ATF7IP2: variants seen among roughly 807,000 people sequenced by gnomAD.
ATF7IP2 encodes the protein activating transcription factor 7 interacting protein 2.
In ATF7IP2, 42 loss-of-function variants were observed where a neutral mutation model predicts 64.2. The observed-to-expected ratio is 0.65, with a 90% confidence interval of 0.51 to 0.85. ATF7IP2 has a LOEUF of 0.85. Ranked by LOEUF, ATF7IP2 falls within the 40% of genes least tolerant of loss-of-function variation. The pLI, the probability that ATF7IP2 is intolerant of heterozygous loss-of-function variation, is 0.00. For missense variants in ATF7IP2, 933 were observed against 784.2 expected (o/e 1.19, Z -2.27); for synonymous variants, 308 against 272.8 (o/e 1.13, Z -1.27).
chr16:10,470,623 T>A (rs998126298), intron 9 of ATF7IP2, among the ~76,000 whole-genome samples: 5 of 151,546 alleles, frequency 3.3e-5, no homozygotes, highest in Admixed American at 6.6e-5. Flanking sequence ...TTTAAAAAAA[T>A]TTTTTTAAAA....
chr16:10,478,428 T>C (rs1373241766), intron 12 of ATF7IP2, among the ~76,000 whole-genome samples: 1 of 152,162 alleles, frequency 6.6e-6, no homozygotes, highest in East Asian at 1.9e-4. Flanking sequence ...TAATAAATGG[T>C]GCTGGGAAAA....
intron 8 of ATF7IP2, among the ~76,000 whole-genome samples, chr16:10,450,702 G>A (rs1023146232): frequency 5.9e-5 from 9 of 151,764 alleles, no homozygotes; most frequent in Admixed American, 4.6e-4. Context: ...TTGAGCCTGT[G>A]TGTGTCTTTG....
At chr16:10,468,721 T>C (rs887869436) in intron 9 of ATF7IP2, among the ~76,000 whole-genome samples, 1 of 152,230 alleles carries the variant, frequency 6.6e-6, no homozygotes, top group Admixed American at 6.5e-5. Flanking sequence ...CAGATCTGTA[T>C]GCAAAGGATG....
chr16:10,399,744 A>G (rs568812973), intron 1 of ATF7IP2, among the ~76,000 whole-genome samples: 4 of 152,316 alleles, frequency 2.6e-5, no homozygotes, highest in African/African-American at 9.6e-5. Flanking sequence ...GTATTTTGAT[A>G]GTGAATGCAT....
At chr16:10,409,082 T>C (rs2047700202) in intron 1 of ATF7IP2, among the ~76,000 whole-genome samples, 1 of 152,214 alleles carries the variant, frequency 6.6e-6, no homozygotes, top group Admixed American at 6.5e-5. Context: ...ATTCCTAATG[T>C]GGCCCCTACA....
chr16:10,476,211 C>T (rs1354059703), intron 12 of ATF7IP2, among the ~76,000 whole-genome samples: 1 of 152,118 alleles, frequency 6.6e-6, no homozygotes, highest in African/African-American at 2.4e-5. Flanking sequence ...TAATAAACTC[C>T]TTACTTCTAG....
intron 1 of ATF7IP2, among the ~76,000 whole-genome samples, chr16:10,400,620 G>A (rs1289578847): frequency 6.6e-6 from 1 of 152,198 alleles, no homozygotes; most frequent in Non-Finnish European, 1.5e-5. Context: ...GATTTTGGCT[G>A]TGGGTTTGTT....
intron 1 of ATF7IP2, among the ~76,000 whole-genome samples, chr16:10,393,713 G>A (rs1167329681): frequency 6.6e-6 from 1 of 152,028 alleles, no homozygotes; most frequent in African/African-American, 2.4e-5. Flanking sequence ...GGTTTTTTGG[G>A]ATGTAATACT....
intron 12 of ATF7IP2, among the ~76,000 whole-genome samples, chr16:10,475,692 C>CA (rs113253742): frequency 0.36 from 9,348 of 25,832 alleles, 1,380 homozygotes; most frequent in African/African-American, 0.56. Flanking sequence ...AACTCCGTCT[C>CA]AAAAAAAAAA....
At position 10,472,212 on chromosome 16, in the gene ATF7IP2, T is replaced by TATCA. The variant is rs1210403642; in HGVS notation, c.1426+31_1426+34dup. The TATCA allele has an allele frequency of 3.2e-6, 4 of 1,249,674 alleles. No individual in the cohort carries two copies. In the African/African-American group the frequency reaches 6.1e-5, roughly 19 times the overall value. 77.4% of individuals were successfully genotyped at this position (1,249,674 alleles called of 1,614,324 possible). On this transcript the variant is annotated intron_variant, in intron 10 of 13. Coordinates refer to ENST00000562102, the MANE Select transcript of ATF7IP2 (RefSeq NM_001393719.1). ...TCTTATAGCTGATTAGAATATGATC[T>TATCA]ATCAAGTTAGAAGGCCTTAAATCAA...
At chr16:10,465,262 A>C (rs1268909471) in intron 9 of ATF7IP2, among the ~76,000 whole-genome samples, 1 of 152,238 alleles carries the variant, frequency 6.6e-6, no homozygotes, top group Admixed American at 6.5e-5. Flanking sequence ...ATTTGGATCT[A>C]AACATTCTGT....
chr16:10,474,972 A>G (rs1480237194), intron 12 of ATF7IP2, among the ~76,000 whole-genome samples: 5 of 152,222 alleles, frequency 3.3e-5, no homozygotes, highest in Non-Finnish European at 5.9e-5. Context: ...GCTTGAGGCC[A>G]GCAGTTTGAG....
At chr16:10,473,610 G>C in intron 11 of ATF7IP2, 76 bp downstream of exon 11, 1 of 1,075,374 alleles carries the variant, frequency 9.3e-7, no homozygotes, top group Non-Finnish European at 1.4e-6. Flanking sequence ...TTTGCTACAT[G>C]TTGGATGATT....
intron 1 of ATF7IP2, among the ~76,000 whole-genome samples, chr16:10,414,035 T>C (rs933703167): frequency 4.6e-5 from 7 of 152,238 alleles, no homozygotes; most frequent in African/African-American, 1.4e-4. Flanking sequence ...ATCTTAACTT[T>C]AGATAATCTG....
intron 2 of ATF7IP2, among the ~76,000 whole-genome samples, chr16:10,416,198 C>G (rs1202418892): frequency 1.3e-5 from 2 of 152,142 alleles, no homozygotes; most frequent in East Asian, 3.8e-4. Flanking sequence ...TGGAAGCAAC[C>G]TAAGTGCTCA....
chr16:10,474,262 C>G (rs187870010), intron 12 of ATF7IP2, among the ~76,000 whole-genome samples: 9 of 152,298 alleles, frequency 5.9e-5, no homozygotes, highest in Non-Finnish European at 1.2e-4. Context: ...CACAAATTTA[C>G]ATAAATTTGA....
chr16:10,473,909 T>TTTTTTTTC lies in ATF7IP2; in HGVS notation c.1483-14_1483-13insTTTTTTTC. On this transcript the variant is annotated splice_polypyrimidine_tract_variant and intron_variant, in intron 11 of 13. Coordinates refer to ENST00000562102, the MANE Select transcript of ATF7IP2 (RefSeq NM_001393719.1). ...TGAGGCAAAGCTTTTTTTTTTTTTTTACAATTTTTTTAGGCTGTACAGAAG... is the reference window on the plus strand; with the variant it reads ...TGAGGCAAAGCTTTTTTTTTTTTTTTTTTTTTTCACAATTTTTTTAGGCTGTACAGAAG... The TTTTTTTTC allele has an allele frequency of 7.1e-7, 1 of 1,409,306 alleles. No individual in the cohort carries two copies. The highest frequency in any genetic ancestry group is 1.4e-5 in the South Asian group (1 of 69,228). The allele number at this position is 1,409,306 out of a possible 1,614,324, so 87.3% of individuals were successfully genotyped here.
At chr16:10,404,169 A>G (rs1033179098) in intron 1 of ATF7IP2, among the ~76,000 whole-genome samples, 3 of 152,212 alleles carry the variant, frequency 2.0e-5, no homozygotes, top group African/African-American at 7.2e-5. Flanking sequence ...TGAAGGAAAG[A>G]ATTTTAAAAT....
chr16:10,457,499 C>A lies in ATF7IP2; in HGVS notation c.1322C>A (p.Ser441Ter), dbSNP rs148070233. ...AAAGGAAGTAAAAAAATTAATTTGT[C>A]ATCAGATCAAAATAAGTCTGTTTCT... ...SEKGSKKINL[S>*]SDQNKSVSES... The change falls in exon 9 of 14, where the codon TCA (serine) becomes TAA (stop). Residue 441 changes from serine (S) to a stop codon, truncating the protein, a stop_gained. Transcript: ENST00000562102. LOFTEE classifies it high-confidence loss of function. 205 of 1,595,124 alleles carry A rather than the reference C, an allele frequency of 1.3e-4. No individual in the cohort carries two copies. The highest frequency in any genetic ancestry group is 2.0e-5 in the Non-Finnish European group (24 of 1,174,060).
Sources: allele counts gnomAD v4.1 joint callset (sites outside exome capture counted in the v4.1 genomes callset), GRCh38; gene constraint gnomAD v4.1.1; transcripts MANE v1.5; gene names NCBI Gene and HGNC (gene_info 2026-07-23, HGNC 2026-07-21).